Variants in AUTS2 observed in about 807,000 individuals in gnomAD.
AUTS2 encodes activator of transcription and developmental regulator AUTS2.
Under a neutral mutation model 112.4 loss-of-function variants are expected in AUTS2, and 17 were observed. The observed-to-expected ratio is 0.15, with a 90% CI of 0.10 to 0.23. The LOEUF is 0.23. Among genes scored for constraint, AUTS2 ranks in the 10% least tolerant of loss-of-function variants. AUTS2 has a pLI of 1.00. For missense variants in AUTS2, 1,510 were observed against 1,701.6 expected, an observed-to-expected ratio of 0.89 and a Z score of 1.98; for synonymous variants, 751 against 702.7, an observed-to-expected ratio of 1.07 and a Z score of -1.09.
At chr7:70,080,900 G>A (rs1803271472) in intron 2 of AUTS2, among the ~76,000 whole-genome samples, 1 of 152,176 alleles carries the variant, frequency 6.6e-6, no homozygotes, top group South Asian at 2.1e-4. Flanking sequence ...GAACATTAGA[G>A]GGCGTTGGAA....
intron 2 of AUTS2, among the ~76,000 whole-genome samples, chr7:70,014,420 C>T (rs945973166): frequency 5.3e-5 from 8 of 152,350 alleles, no homozygotes; most frequent in Admixed American, 2.6e-4. Context: ...AGCTTGCCTA[C>T]TCAGACATAA....
intron 1 of AUTS2, among the ~76,000 whole-genome samples, chr7:69,705,351 T>A (rs184358598): frequency 1.3e-5 from 2 of 152,332 alleles, no homozygotes; most frequent in East Asian, 1.9e-4. Context: ...TGATCCCAGA[T>A]CTTAATTTTT....
chr7:70,758,761 T>C (rs1236052347), intron 6 of AUTS2, among the ~76,000 whole-genome samples: 3 of 152,234 alleles, frequency 2.0e-5, no homozygotes, highest in Admixed American at 6.5e-5. Flanking sequence ...TACCAAGCGA[T>C]TTCTTAAAAT....
At chr7:69,868,346 A>T (rs1354707153) in intron 1 of AUTS2, among the ~76,000 whole-genome samples, 1 of 152,188 alleles carries the variant, frequency 6.6e-6, no homozygotes, top group East Asian at 1.9e-4. Flanking sequence ...CCTGTGTCAA[A>T]AACAAATGTT....
chr7:70,156,152 C>T (rs1807745826), intron 4 of AUTS2, among the ~76,000 whole-genome samples: 1 of 152,120 alleles, frequency 6.6e-6, no homozygotes, highest in African/African-American at 2.4e-5. Flanking sequence ...CCTTACTTCT[C>T]CCACACTCTC....
intron 5 of AUTS2, among the ~76,000 whole-genome samples, chr7:70,506,645 C>G (rs576920118): frequency 6.6e-6 from 1 of 152,294 alleles, no homozygotes; most frequent in African/African-American, 2.4e-5. Flanking sequence ...GCGTAAAGGT[C>G]AACTGCAGAT....
At chr7:70,420,953 G>A (rs1462838157) in intron 4 of AUTS2, among the ~76,000 whole-genome samples, 1 of 152,130 alleles carries the variant, frequency 6.6e-6, no homozygotes, top group African/African-American at 2.4e-5. Context: ...CAAAAAAATA[G>A]TGAACAGTAT....
chr7:69,784,814 G>A (rs927071893), intron 1 of AUTS2, among the ~76,000 whole-genome samples: 5 of 152,190 alleles, frequency 3.3e-5, no homozygotes, highest in Admixed American at 2.0e-4. Flanking sequence ...CAGTGCAGAA[G>A]TTAACATTCC....
At chr7:69,991,980 C>CTTATGTAAGTG (rs1392229055) in intron 2 of AUTS2, among the ~76,000 whole-genome samples, 1 of 152,156 alleles carries the variant, frequency 6.6e-6, no homozygotes, top group Non-Finnish European at 1.5e-5. Context: ...TTTGTGCATA[C>CTTATGTAAGTG]TTATGTAAGT....
intron 1 of AUTS2, among the ~76,000 whole-genome samples, chr7:69,716,949 A>G (rs1013423019): frequency 1.3e-5 from 2 of 152,150 alleles, no homozygotes; most frequent in African/African-American, 2.4e-5. Context: ...GTGGACTTCT[A>G]TGCCTTCCGT....
At chr7:69,946,612 GCACA>G (rs1796826250) in intron 2 of AUTS2, among the ~76,000 whole-genome samples, 4 of 133,570 alleles carry the variant, frequency 3.0e-5, no homozygotes, top group South Asian at 2.6e-4. Context: ...ACACACGCAC[GCACA>G]CAGAGACACC....
intron 2 of AUTS2, among the ~76,000 whole-genome samples, chr7:70,029,722 C>T (rs546650610): frequency 6.6e-6 from 1 of 152,250 alleles, no homozygotes; most frequent in Non-Finnish European, 1.5e-5. Flanking sequence ...AGTTGTGAAT[C>T]TGAATCAGAG....
intron 5 of AUTS2, among the ~76,000 whole-genome samples, chr7:70,485,292 A>T (rs1562984948): frequency 6.6e-6 from 1 of 152,188 alleles, no homozygotes; most frequent in Non-Finnish European, 1.5e-5. Context: ...ATGGAATACT[A>T]CTCAGCCATG....
At chr7:70,117,262 T>C (rs1050043753) in intron 2 of AUTS2, among the ~76,000 whole-genome samples, 2 of 152,060 alleles carry the variant, frequency 1.3e-5, no homozygotes, top group Middle Eastern at 6.3e-3. Context: ...TCATTGGTTC[T>C]TTTAAATATG....
At chr7:70,496,647 C>T (rs1798533242) in intron 5 of AUTS2, among the ~76,000 whole-genome samples, 2 of 146,932 alleles carry the variant, frequency 1.4e-5, no homozygotes, top group African/African-American at 5.0e-5. Flanking sequence ...ACACCCCACA[C>T]ATGCACACGT....
chr7:70,460,891 CA>C (rs900820412), intron 5 of AUTS2, among the ~76,000 whole-genome samples: 2 of 152,152 alleles, frequency 1.3e-5, no homozygotes, highest in African/African-American at 4.8e-5. Context: ...CTCGGCTCTG[CA>C]AAATCACAGA....
chr7:70,165,267 G>A (rs899906675), intron 4 of AUTS2, among the ~76,000 whole-genome samples: 4 of 152,112 alleles, frequency 2.6e-5, no homozygotes, highest in Admixed American at 6.5e-5. Flanking sequence ...TAGAAGAAAC[G>A]CTAGAAGAGA....
intron 1 of AUTS2, among the ~76,000 whole-genome samples, chr7:69,818,568 C>T (rs1790857465): frequency 6.6e-6 from 1 of 152,116 alleles, no homozygotes; most frequent in Admixed American, 6.5e-5. Context: ...TTAATCTATG[C>T]AATAATGGTT....
At chr7:70,758,948 A>G (rs1789390723) in intron 6 of AUTS2, among the ~76,000 whole-genome samples, 1 of 152,186 alleles carries the variant, frequency 6.6e-6, no homozygotes, top group Non-Finnish European at 1.5e-5. Flanking sequence ...GGGGAGTCAT[A>G]AAACTGTTTC....
Sources: allele counts gnomAD v4.1 joint callset (sites outside exome capture counted in the v4.1 genomes callset), GRCh38; gene constraint gnomAD v4.1.1; transcripts MANE v1.5; gene names NCBI Gene and HGNC (gene_info 2026-07-23, HGNC 2026-07-21).